The following ZNF709 variants were observed in gnomAD, a reference collection of about 807,000 sequenced individuals.
The protein encoded by ZNF709 is zinc finger protein 709.
ZNF709 carries 15 observed loss-of-function variants against 10.6 expected under a neutral mutation model. The observed-to-expected ratio is 1.41, with a 90% CI of 0.95 to 2.18. The LOEUF (loss-of-function observed/expected upper bound fraction) is 2.18, where lower values mean the gene tolerates loss of function less well. Among genes scored for constraint, ZNF709 ranks in the 30% most tolerant of loss-of-function variants. The pLI, the probability that ZNF709 is intolerant of heterozygous loss-of-function variation, is 0.00. For missense variants in ZNF709, 589 were observed against 774.0 expected (o/e 0.76, Z 2.84); for synonymous variants, 194 against 238.8 (o/e 0.81, Z 1.73).
At chr19:12,472,706 A>C (rs779749515) in intron 1 of ZNF709, among the ~76,000 whole-genome samples, 1 of 152,064 alleles carries the variant, frequency 6.6e-6, no homozygotes, top group Non-Finnish European at 1.5e-5. Flanking sequence ...AACATGGCGA[A>C]ACTCTGTCTC....
Position 12,464,277 on chromosome 19 carries a change from T to C in ZNF709, c.1645A>G (p.Ile549Val), listed in dbSNP as rs1970544181. Residue 549 changes from isoleucine to valine, a missense_variant, in exon 4 of 4, where the codon ATA becomes GTA. Physicochemically the swap from Ile to Val is conservative, Grantham distance 29. Coordinates refer to ENST00000397732, the MANE Select transcript of ZNF709 (RefSeq NM_152601.4). ...TCTCCAGTGTGAGTCCTTTCATGTA[T>C]TCGAATGGAACTGGAACAACTAAAC... Reference protein sequence around the residue: ...KAFSCSSSIRIHERTHTGEKP... With the variant: ...KAFSCSSSIRVHERTHTGEKP... 6.2e-7 allele frequency: 1 copy of C among 1,603,558 alleles called. No homozygotes were observed. Among genetic ancestry groups the C allele is most frequent in the African/African-American group, 1.3e-5 (1 of 74,626 alleles).
At chr19:12,467,718 A>C in intron 1 of ZNF709, among the ~76,000 whole-genome samples, 1 of 142,354 alleles carries the variant, frequency 7.0e-6, no homozygotes, top group African/African-American at 2.7e-5. Context: ...CCGGCGGCCC[A>C]TCGTCTGAGA....
At chr19:12,471,334 A>G (rs1970633177) in intron 1 of ZNF709, among the ~76,000 whole-genome samples, 1 of 152,226 alleles carries the variant, frequency 6.6e-6, no homozygotes, top group South Asian at 2.1e-4. Flanking sequence ...ATGTTCTCAG[A>G]ACAAACTCAG....
chr19:12,467,474 G>A lies in ZNF709; in HGVS notation c.4-624C>T, dbSNP rs558363552. On this transcript the variant is annotated intron_variant, in intron 1 of 3. Transcript: ENST00000397732. ...GGTGCCCAGGCTGGAGTGCAGTGGC[G>A]TGATCTCGGCTCGCTACAACCTCCA... Among the ~76,000 whole-genome samples the A allele has an allele frequency of 6.2e-3, 945 of 152,308 alleles. 1 individual carries two copies. Among genetic ancestry groups the A allele is most frequent in the Non-Finnish European group, 9.2e-3 (624 of 68,014 alleles).
Position 12,471,988 on chromosome 19 carries a change from T to C in ZNF709, c.4-5138A>G, listed in dbSNP as rs562986220. Among the ~76,000 whole-genome samples the C allele has an allele frequency of 5.3e-5, 8 of 152,010 alleles. No individual in the cohort carries two copies. In the South Asian group the frequency reaches 6.2e-4, roughly 12 times the overall value. On this transcript the variant is annotated intron_variant, in intron 1 of 3. Coordinates refer to ENST00000397732, the MANE Select transcript of ZNF709 (RefSeq NM_152601.4). ...CAAATCACAAAGCAGGAAAAAAATA[T>C]GTGACATACATGCAATATAAATGAA...
intron 1 of ZNF709, among the ~76,000 whole-genome samples, chr19:12,468,553 C>T (rs935425146): frequency 2.6e-5 from 4 of 151,190 alleles, no homozygotes; most frequent in African/African-American, 9.7e-5. Flanking sequence ...GACACAAACA[C>T]TGCGGAAGGC....
chr19:12,469,590 A>C (rs1312192252), intron 1 of ZNF709, among the ~76,000 whole-genome samples: 1 of 152,034 alleles, frequency 6.6e-6, no homozygotes, highest in African/African-American at 2.4e-5. Context: ...AACATGGTGA[A>C]ACCCTGTCTC....
rs547391775 is a variant in ZNF709 at position 12,480,949 on chromosome 19, AT to A, written c.3+3705del. Among the ~76,000 whole-genome samples the A allele has an allele frequency of 5.8e-3, 817 of 140,988 alleles. 1 individual carries two copies. The highest frequency in any genetic ancestry group is 0.015 in the African/African-American group (565 of 38,560). 92.5% of individuals were successfully genotyped at this position (140,988 alleles called of 152,430 possible). Reference sequence around the variant, plus strand: ...CAGCTAAAATTACCACACTTGGCTAATTTTTTTTTTTTTTTGTAGAGACAGG... The same window carrying A: ...CAGCTAAAATTACCACACTTGGCTAATTTTTTTTTTTTTTGTAGAGACAGG... On this transcript the variant is annotated intron_variant, in intron 1 of 3. Coordinates refer to ENST00000397732, the MANE Select transcript of ZNF709 (RefSeq NM_152601.4).
chr19:12,469,539 AG>A, intron 1 of ZNF709, among the ~76,000 whole-genome samples: 1 of 151,908 alleles, frequency 6.6e-6, no homozygotes, highest in Middle Eastern at 3.4e-3. Context: ...GAGGCTGAGA[AG>A]GGTGGATCAC....
chr19:12,469,835 A>G (rs2144994681), intron 1 of ZNF709, among the ~76,000 whole-genome samples: 1 of 152,210 alleles, frequency 6.6e-6, no homozygotes, highest in South Asian at 2.1e-4. Context: ...GACCACTGTT[A>G]GCACACATAG....
At position 12,465,644 on chromosome 19, in the gene ZNF709, T is replaced by C. The variant is rs1599631562; in HGVS notation, c.278A>G (p.Lys93Arg). ...ISQTPNPKPNKKTFTRVKPYE... is the reference protein window; with the variant it reads ...ISQTPNPKPNRKTFTRVKPYE... ...TGGTTTTACTCTAGTAAAAGTTTTC[T>C]TGTTTGGTTTAGGATTTGGAGTCTG... The change falls in exon 4 of 4, where the codon AAG becomes AGG. Residue 93 changes from lysine (K) to arginine (R), a missense_variant. Coordinates refer to ENST00000397732, the MANE Select transcript of ZNF709 (RefSeq NM_152601.4). The C allele has an allele frequency of 6.2e-7, 1 of 1,613,160 alleles. No homozygotes were observed. The highest frequency in any genetic ancestry group is 2.2e-5 in the East Asian group (1 of 44,844).
At chr19:12,476,238 A>G (rs563392595) in intron 1 of ZNF709, among the ~76,000 whole-genome samples, 3 of 152,200 alleles carry the variant, frequency 2.0e-5, no homozygotes, top group African/African-American at 7.2e-5. Flanking sequence ...CAAAAAATAC[A>G]AAAATTAGCC....
chr19:12,465,963 C>CA (rs1167319717), intron 3 of ZNF709, among the ~76,000 whole-genome samples: 1 of 140,626 alleles, frequency 7.1e-6, no homozygotes, highest in African/African-American at 2.6e-5. Flanking sequence ...TTTTTTGAGA[C>CA]AGAGTCTTAC....
chr19:12,466,611 T>C (rs1970573241), intron 2 of ZNF709, 92 bp from the exon 3 acceptor site: 1 of 1,603,710 alleles, frequency 6.2e-7, no homozygotes, highest in Non-Finnish European at 8.5e-7. Flanking sequence ...TTATCCTGTC[T>C]GATTTATTTA....
chr19:12,479,968 A>T (rs2145007552), intron 1 of ZNF709, among the ~76,000 whole-genome samples: 1 of 152,166 alleles, frequency 6.6e-6, no homozygotes, highest in South Asian at 2.1e-4. Flanking sequence ...TTCAAGACCA[A>T]TCTGGTCAAG....
At chr19:12,468,429 C>T (rs1424583438) in intron 1 of ZNF709, among the ~76,000 whole-genome samples, 1 of 151,812 alleles carries the variant, frequency 6.6e-6, no homozygotes, top group African/African-American at 2.4e-5. Context: ...TGTGCTGTGT[C>T]CACTCAGGGT....
Position 12,464,975 on chromosome 19 carries a change from G to T in ZNF709, c.947C>A (p.Ala316Asp). Residue 316 changes from alanine to aspartate, a missense_variant, in exon 4 of 4, where the codon GCC becomes GAC. This residue lies in a region of ZNF709 where 418 missense variants were observed against 496.3 expected (regional missense o/e 0.84). Transcript: ENST00000397732. ...KPYKCKKCGK[A>D]FSFPSSFRKH... Reference sequence around the variant, plus strand: ...TCTAAAGGAACTAGGAAAACTGAAGGCTTTCCCACATTTTTTACATTTATA... The same window carrying T: ...TCTAAAGGAACTAGGAAAACTGAAGTCTTTCCCACATTTTTTACATTTATA... The T allele has an allele frequency of 6.2e-7, 1 of 1,606,408 alleles. No homozygotes were observed. Among genetic ancestry groups the T allele is most frequent in the Non-Finnish European group, 8.5e-7 (1 of 1,177,614 alleles).
chr19:12,473,538 T>C (rs1970652344), intron 1 of ZNF709, among the ~76,000 whole-genome samples: 1 of 152,210 alleles, frequency 6.6e-6, no homozygotes, highest in South Asian at 2.1e-4. Context: ...TTTATATTTT[T>C]AAATCACTTA....
Position 12,466,809 on chromosome 19 carries a change from C to T in ZNF709, c.45G>A (p.Gln15=). The T allele has an allele frequency of 6.2e-7, 1 of 1,614,048 alleles. No homozygotes were observed. The stretch of plus-strand genomic sequence containing the variant: ...AGGGACCCAGCAAAGCCCACTCCTC[C>T]TGGGTGAAGTTCACAGCCACATCCT... ...VFEDVAVNFT[Q]EEWALLGPSQ... is the part of the protein sequence containing the mutation. The change falls in exon 2 of 4, where the codon CAG becomes CAA. Residue 15 remains glutamine, a synonymous_variant. Coordinates refer to ENST00000397732, the MANE Select transcript of ZNF709 (RefSeq NM_152601.4).
Sources: allele counts gnomAD v4.1 joint callset (sites outside exome capture counted in the v4.1 genomes callset), GRCh38; gene constraint gnomAD v4.1.1; regional missense constraint gnomAD v4.1.1; transcripts MANE v1.5; gene names NCBI Gene and HGNC (gene_info 2026-07-23, HGNC 2026-07-21).